The following LINGO2 variants were observed in gnomAD, a reference collection of about 807,000 sequenced individuals.
LINGO2 encodes the protein leucine rich repeat and Ig domain containing 2.
A neutral mutation model predicts 30.6 loss-of-function variants in LINGO2; 14 were observed. The ratio of observed to expected loss-of-function variants is 0.46; its 90% CI spans 0.30 to 0.72. LINGO2 has a LOEUF of 0.72. LINGO2 is among the 30% of genes least tolerant of loss of function. The pLI, the probability that LINGO2 is intolerant of heterozygous loss-of-function variation, is 0.07. For missense variants in LINGO2, 729 were observed against 751.7 expected (o/e 0.97, Z 0.35); for synonymous variants, 317 against 288.5 (o/e 1.10, Z -1.00).
At chr9:29,098,475 A>G in the LINGO2 span, among the ~76,000 whole-genome samples, 1 of 151,988 alleles carries the variant, frequency 6.6e-6, no homozygotes, top group African/African-American at 2.4e-5. Flanking sequence ...ATATGCGCAC[A>G]CACACACACA....
At chr9:28,687,473 C>A in the LINGO2 span, among the ~76,000 whole-genome samples, 1 of 152,044 alleles carries the variant, frequency 6.6e-6, no homozygotes, top group Non-Finnish European at 1.5e-5. Context: ...GAAACAGAGG[C>A]TTACCATAAA....
At chr9:28,567,782 C>G (rs979309335) in intron 1 of LINGO2, among the ~76,000 whole-genome samples, 4 of 147,570 alleles carry the variant, frequency 2.7e-5, no homozygotes, top group African/African-American at 1.0e-4. Flanking sequence ...TGCACATGTA[C>G]TTCCTGAATC....
At chr9:28,243,656 A>AG (rs1425313079) in intron 4 of LINGO2, among the ~76,000 whole-genome samples, 1 of 151,986 alleles carries the variant, frequency 6.6e-6, no homozygotes, top group Non-Finnish European at 1.5e-5. Flanking sequence ...AACAAAAAAA[A>AG]CGGGTTGGAT....
chr9:28,622,926 T>C (rs1461397698), intron 1 of LINGO2, among the ~76,000 whole-genome samples: 2 of 152,098 alleles, frequency 1.3e-5, no homozygotes, highest in Non-Finnish European at 2.9e-5. Context: ...TGATTTGTAT[T>C]TCTCTGATGA....
intron 4 of LINGO2, among the ~76,000 whole-genome samples, chr9:28,149,728 G>A (rs1394873384): frequency 2.7e-5 from 4 of 150,582 alleles, no homozygotes; most frequent in Non-Finnish European, 5.9e-5. Context: ...TGGAAGTGAG[G>A]AGCGCCTCTG....
chr9:28,282,346 G>C (rs1823357341), intron 4 of LINGO2, among the ~76,000 whole-genome samples: 2 of 151,888 alleles, frequency 1.3e-5, no homozygotes, highest in Admixed American at 6.6e-5. Context: ...TAAGTAATGA[G>C]TGAATGATGT....
chr9:29,052,524 T>C, the LINGO2 span, among the ~76,000 whole-genome samples: 1 of 152,212 alleles, frequency 6.6e-6, no homozygotes, highest in African/African-American at 2.4e-5. Flanking sequence ...AAATCTACTT[T>C]TGAAGAAATC....
At chr9:28,678,952 A>C in the LINGO2 span, among the ~76,000 whole-genome samples, 1 of 152,256 alleles carries the variant, frequency 6.6e-6, no homozygotes, top group African/African-American at 2.4e-5. Flanking sequence ...AAAATAAAAT[A>C]TTACAGATCA....
chr9:29,014,572 C>T, the LINGO2 span, among the ~76,000 whole-genome samples: 3 of 151,926 alleles, frequency 2.0e-5, no homozygotes, highest in Non-Finnish European at 4.4e-5. Flanking sequence ...GAAAACAGGC[C>T]AAGAAAGAAT....
At chr9:29,053,160 T>C in the LINGO2 span, among the ~76,000 whole-genome samples, 1 of 152,060 alleles carries the variant, frequency 6.6e-6, no homozygotes, top group Non-Finnish European at 1.5e-5. Context: ...AAAGTACATA[T>C]GGAAATCTGC....
the LINGO2 span, among the ~76,000 whole-genome samples, chr9:28,854,900 TAAAAA>T: frequency 1.3e-5 from 2 of 151,932 alleles, no homozygotes; most frequent in African/African-American, 2.4e-5. Flanking sequence ...TTCCTAAACT[TAAAAA>T]AGAATGTCAA....
At chr9:28,952,169 G>C in the LINGO2 span, among the ~76,000 whole-genome samples, 11 of 152,066 alleles carry the variant, frequency 7.2e-5, no homozygotes, top group African/African-American at 2.6e-4. Flanking sequence ...TGGTCACTTG[G>C]TACAGGAAAA....
Position 28,107,159 on chromosome 9 carries a change from G to A in LINGO2, c.-86-94754C>T, listed in dbSNP as rs535196956. Among the ~76,000 whole-genome samples the A allele has an allele frequency of 3.9e-5, 6 of 152,158 alleles. 1 individual carries two copies. The highest frequency in any genetic ancestry group is 3.3e-4 in the Admixed American group (5 of 15,282). ...TCTCATAGCACTACACAACTCTCTT[G>A]CACAACATTTAACAGAAGTATGTCT... On this transcript the variant is annotated intron_variant, in intron 4 of 5. Transcript: ENST00000379992.
chr9:28,675,613 G>A, the LINGO2 span, among the ~76,000 whole-genome samples: 1 of 151,908 alleles, frequency 6.6e-6, no homozygotes, highest in East Asian at 1.9e-4. Flanking sequence ...GCTCACGCCT[G>A]TAATCCTAGT....
intron 5 of LINGO2, among the ~76,000 whole-genome samples, chr9:27,961,443 A>C (rs1317123208): frequency 6.6e-6 from 1 of 152,182 alleles, no homozygotes; most frequent in Non-Finnish European, 1.5e-5. Context: ...TTGCAAAGGC[A>C]TGGAGACAGT....
At chr9:28,216,294 A>C (rs1157246510) in intron 4 of LINGO2, among the ~76,000 whole-genome samples, 1 of 151,936 alleles carries the variant, frequency 6.6e-6, no homozygotes, top group Non-Finnish European at 1.5e-5. Flanking sequence ...AACTAGGATA[A>C]AATTTTGGAC....
At chr9:28,514,848 T>G (rs901515959) in intron 1 of LINGO2, among the ~76,000 whole-genome samples, 4 of 152,134 alleles carry the variant, frequency 2.6e-5, no homozygotes, top group African/African-American at 9.7e-5. Flanking sequence ...GCTGTTGACT[T>G]TAAGTTTAAG....
chr9:28,780,634 G>A, the LINGO2 span, among the ~76,000 whole-genome samples: 1 of 152,070 alleles, frequency 6.6e-6, no homozygotes, highest in Non-Finnish European at 1.5e-5. Context: ...ACAAGTTACA[G>A]GTGAACAGCT....
the LINGO2 span, among the ~76,000 whole-genome samples, chr9:28,754,797 A>AT: frequency 6.6e-6 from 1 of 151,434 alleles, no homozygotes; most frequent in African/African-American, 2.4e-5. Flanking sequence ...CACCGGGCTA[A>AT]TTTTTTTGTA....
Sources: allele counts gnomAD v4.1 joint callset (sites outside exome capture counted in the v4.1 genomes callset), GRCh38; gene constraint gnomAD v4.1.1; transcripts MANE v1.5; gene names NCBI Gene and HGNC (gene_info 2026-07-23, HGNC 2026-07-21).